Variants in CDH4 observed in about 807,000 individuals in gnomAD.
CDH4 encodes the protein cadherin-4.
A neutral mutation model predicts 86.0 loss-of-function variants in CDH4; 33 were observed. The ratio of observed to expected loss-of-function variants is 0.38; its 90% CI spans 0.29 to 0.51. CDH4 has a LOEUF of 0.51. Ranked by LOEUF, CDH4 falls within the 20% of genes least tolerant of loss-of-function variation. The pLI is 0.86. For missense variants in CDH4, 1,114 were observed against 1,307.4 expected, an observed-to-expected ratio of 0.85 and a Z score of 2.28; for synonymous variants, 555 against 549.4, an observed-to-expected ratio of 1.01 and a Z score of -0.14.
intron 2 of CDH4, among the ~76,000 whole-genome samples, chr20:61,289,144 GAGGAGAA>G (rs2084308195): frequency 6.6e-6 from 1 of 152,250 alleles, no homozygotes; most frequent in Non-Finnish European, 1.5e-5. Flanking sequence ...GGGGAGGGCA[GAGGAGAA>G]CGGGGTGCCC....
At chr20:61,669,943 G>GTGTGGAC (rs1302167626) in intron 2 of CDH4, among the ~76,000 whole-genome samples, 1 of 152,162 alleles carries the variant, frequency 6.6e-6, no homozygotes, top group African/African-American at 2.4e-5. Flanking sequence ...ATGGGAGGCA[G>GTGTGGAC]CCTGAGACAG....
chr20:61,720,335 G>GT (rs1168996217), intron 2 of CDH4, among the ~76,000 whole-genome samples: 17 of 152,150 alleles, frequency 1.1e-4, no homozygotes, highest in Non-Finnish European at 7.3e-5. Flanking sequence ...TCACCAGGAA[G>GT]CAGGGCAGCA....
chr20:61,663,609 GGT>G lies in CDH4; in HGVS notation c.170-79945_170-79944del, dbSNP rs1029627876. On this transcript the variant is annotated intron_variant, in intron 2 of 15. Transcript: ENST00000614565. This position sits in a 1 kb window ranked among gnomAD's most constrained non-coding sequence, Gnocchi z 5.0. The stretch of plus-strand genomic sequence containing the variant: ...GGGAGCTGCTGGGACGGCAGGACCG[GGT>G]GTGTGTGTCCAAGAGACCATCTTGG... Among the ~76,000 whole-genome samples, 1 of 152,106 alleles carries G rather than the reference GGT, an allele frequency of 6.6e-6. No individual in the cohort carries two copies. The highest frequency in any genetic ancestry group is 1.5e-5 in the Non-Finnish European group (1 of 68,012).
At chr20:61,794,182 C>A (rs1979396729) in intron 4 of CDH4, among the ~76,000 whole-genome samples, 1 of 149,712 alleles carries the variant, frequency 6.7e-6, no homozygotes, top group African/African-American at 2.5e-5. Flanking sequence ...TAAGTGAATA[C>A]CTCTCACCCT....
At chr20:61,399,834 G>T (rs1196970712) in intron 2 of CDH4, among the ~76,000 whole-genome samples, 2 of 152,154 alleles carry the variant, frequency 1.3e-5, no homozygotes, top group Non-Finnish European at 2.9e-5. Flanking sequence ...AGGGGCTCGG[G>T]GACAATGGTG....
At chr20:61,578,090 A>G (rs1479321816) in intron 2 of CDH4, among the ~76,000 whole-genome samples, 1 of 151,774 alleles carries the variant, frequency 6.6e-6, no homozygotes, top group Non-Finnish European at 1.5e-5. Context: ...CCTCAGCTCT[A>G]CTCAAGTTAA....
chr20:61,627,776 TGTG>T (rs2086843379), intron 2 of CDH4, among the ~76,000 whole-genome samples: 1 of 151,992 alleles, frequency 6.6e-6, no homozygotes, highest in Admixed American at 6.6e-5. Flanking sequence ...ATCCCTTTGA[TGTG>T]GAGGAGGGTG....
chr20:61,517,780 G>T lies in CDH4; in HGVS notation c.170-225783G>T, dbSNP rs1344530180. On this transcript the variant is annotated intron_variant, in intron 2 of 15. Coordinates refer to ENST00000614565, the MANE Select transcript of CDH4 (RefSeq NM_001794.5). This position sits in a 1 kb window ranked among gnomAD's most constrained non-coding sequence, Gnocchi z 6.6. ...TCAGCTATTATATGTCTGATTTTAT[G>T]GTTTTCATCCTGAAATACGTGGTCA... Among the ~76,000 whole-genome samples, 1 of 152,152 alleles carries T rather than the reference G, an allele frequency of 6.6e-6. No individual in the cohort carries two copies. The highest frequency in any genetic ancestry group is 1.5e-5 in the Non-Finnish European group (1 of 68,020).
chr20:61,261,522 C>T (rs1402508227), intron 2 of CDH4, among the ~76,000 whole-genome samples: 2 of 152,134 alleles, frequency 1.3e-5, no homozygotes, highest in Non-Finnish European at 2.9e-5. Flanking sequence ...AAAGCCCTTC[C>T]AGGGAGGTAA....
intron 2 of CDH4, among the ~76,000 whole-genome samples, chr20:61,419,070 T>C (rs2085162695): frequency 6.6e-6 from 1 of 152,184 alleles, no homozygotes; most frequent in Admixed American, 6.5e-5. Flanking sequence ...CAGGTGTACA[T>C]ATCTTTCTGG....
chr20:61,602,606 C>T (rs1474646206), intron 2 of CDH4, among the ~76,000 whole-genome samples: 6 of 150,796 alleles, frequency 4.0e-5, no homozygotes, highest in Non-Finnish European at 7.4e-5. Flanking sequence ...CAGAGGGAAG[C>T]TCATTCCAGC....
At chr20:61,699,656 C>T (rs2087752984) in intron 2 of CDH4, among the ~76,000 whole-genome samples, 1 of 152,150 alleles carries the variant, frequency 6.6e-6, no homozygotes, top group African/African-American at 2.4e-5. Flanking sequence ...GTAGTTGTTT[C>T]GTGGAGGTCA....
intron 2 of CDH4, among the ~76,000 whole-genome samples, chr20:61,454,368 C>T (rs2085396109): frequency 2.6e-5 from 4 of 152,028 alleles, no homozygotes; most frequent in African/African-American, 9.7e-5. Context: ...GAGGGGCACC[C>T]GGGTCAAACA....
intron 2 of CDH4, among the ~76,000 whole-genome samples, chr20:61,409,458 AGC>A (rs1164063532): frequency 2.0e-5 from 3 of 152,252 alleles, no homozygotes; most frequent in African/African-American, 7.2e-5. Flanking sequence ...TTGAAAATTA[AGC>A]ATCCAACACA....
At chr20:61,565,204 C>CGGTGCTCTCGGTGGTGGTGGTGGTGGTG (rs1568688382) in intron 2 of CDH4, among the ~76,000 whole-genome samples, 1 of 50,284 alleles carries the variant, frequency 2.0e-5, no homozygotes, top group Non-Finnish European at 3.6e-5. Flanking sequence ...TGGTGGTGGT[C>CGGTGCTCTCGGTGGTGGTGGTGGTGGTG]GCGGTGCTCT....
At position 61,640,817 on chromosome 20, in the gene CDH4, G is replaced by A. The variant is rs150524543; in HGVS notation, c.170-102746G>A. 1.1e-3 allele frequency among the ~76,000 whole-genome samples: 174 copies of A among 152,286 alleles called. 1 individual carries two copies. The highest frequency in any genetic ancestry group is 3.9e-3 in the African/African-American group (162 of 41,554). On this transcript the variant is annotated intron_variant, in intron 2 of 15. Transcript: ENST00000614565. ...CACTGATTAATGTTTGAAGGGTAGC[G>A]GGAGTGTGGGCTACGCTGTTGGTCT...
intron 2 of CDH4, among the ~76,000 whole-genome samples, chr20:61,594,514 G>A (rs1056736235): frequency 2.0e-5 from 3 of 152,208 alleles, no homozygotes; most frequent in Non-Finnish European, 4.4e-5. Flanking sequence ...TTCCAAAACG[G>A]CATGCTGTGC....
At chr20:61,581,559 C>T (rs989410739) in intron 2 of CDH4, among the ~76,000 whole-genome samples, 1 of 152,134 alleles carries the variant, frequency 6.6e-6, no homozygotes. Context: ...CCCTCATGGT[C>T]AGTGAGGCAG....
intron 3 of CDH4, among the ~76,000 whole-genome samples, chr20:61,749,173 A>G (rs1174769052): frequency 3.9e-5 from 6 of 152,258 alleles, no homozygotes; most frequent in Non-Finnish European, 7.3e-5. Flanking sequence ...CCAAGAAGAT[A>G]CAGGAATCCT....
Sources: allele counts gnomAD v4.1 joint callset (sites outside exome capture counted in the v4.1 genomes callset), GRCh38; gene constraint gnomAD v4.1.1; non-coding constraint Gnocchi (gnomAD v3.1); transcripts MANE v1.5; gene names NCBI Gene and HGNC (gene_info 2026-07-23, HGNC 2026-07-21).